CACNA1C: variants seen among roughly 807,000 people sequenced by gnomAD.
CACNA1C encodes the protein voltage-dependent L-type calcium channel subunit alpha-1C.
A neutral mutation model predicts 229.0 loss-of-function variants in CACNA1C; 30 were observed. That is an observed-to-expected ratio of 0.13 (90% CI 0.10 to 0.18). CACNA1C has a LOEUF of 0.18. Among genes scored for constraint, CACNA1C ranks in the 10% least tolerant of loss-of-function variants. The pLI is 1.00. For missense variants in CACNA1C, 1,658 were observed against 2,845.0 expected (o/e 0.58, Z 9.49); for synonymous variants, 1,114 against 1,132.5 (o/e 0.98, Z 0.33).
chr12:2,366,040 T>C (rs2097710892), intron 3 of CACNA1C, among the ~76,000 whole-genome samples: 2 of 152,226 alleles, frequency 1.3e-5, no homozygotes, highest in African/African-American at 4.8e-5. Flanking sequence ...TTTTTAATGT[T>C]CCAAGTGATT....
At chr12:2,682,871 C>CAACACACAA (rs1158532509) in intron 43 of CACNA1C, among the ~76,000 whole-genome samples, 193 bp downstream of exon 43, 2 of 23,916 alleles carry the variant, frequency 8.4e-5, no homozygotes, top group African/African-American at 1.9e-4. Flanking sequence ...CACACAAACA[C>CAACACACAA]ACACACACCA....
intron 3 of CACNA1C, among the ~76,000 whole-genome samples, chr12:2,371,176 G>A (rs1798601109): frequency 6.6e-6 from 1 of 152,216 alleles, no homozygotes; most frequent in Non-Finnish European, 1.5e-5. Flanking sequence ...TTGGGTAGGA[G>A]TGAAAGGGAG....
intron 3 of CACNA1C, among the ~76,000 whole-genome samples, chr12:2,391,453 G>T (rs1250403776): frequency 6.6e-6 from 1 of 152,200 alleles, no homozygotes; most frequent in Admixed American, 6.5e-5. Flanking sequence ...ACCACGAAAG[G>T]CTGTTCAGAA....
intron 3 of CACNA1C, among the ~76,000 whole-genome samples, chr12:2,434,241 A>G (rs1026676110): frequency 6.6e-6 from 1 of 152,154 alleles, no homozygotes; most frequent in African/African-American, 2.4e-5. Context: ...CCCCACATAC[A>G]TCTCCACGGG....
At chr12:1,999,334 G>A (rs893324409) in intron 1 of CACNA1C, among the ~76,000 whole-genome samples, 1 of 152,160 alleles carries the variant, frequency 6.6e-6, no homozygotes, top group Admixed American at 6.5e-5. Flanking sequence ...CTATTATCAA[G>A]AGTAAATGGC....
chr12:2,115,065 C>G lies in CACNA1C; in HGVS notation c.50-159C>G, dbSNP rs149888071. On this transcript the variant is annotated intron_variant, in intron 1 of 46. Transcript: ENST00000399655. ...CGCAACGATCCTGGCCCTCTTCCCT[C>G]AGCATCTCACACTCATGTTTCCACG... 1.7e-4 allele frequency among the ~76,000 whole-genome samples: 26 copies of G among 152,342 alleles called. No individual in the cohort carries two copies. In the East Asian group the frequency reaches 4.6e-3, roughly 27 times the overall value.
At position 2,581,990 on chromosome 12, in the gene CACNA1C, A is replaced by G. The variant is rs570944539; in HGVS notation, c.2103+193A>G. 5.3e-5 allele frequency among the ~76,000 whole-genome samples: 8 copies of G among 151,548 alleles called. No individual in the cohort carries two copies. In the South Asian group the frequency reaches 1.7e-3, roughly 32 times the overall value. ...TCCCCATCTGCCATGGAATTCCACTAGTGGGTGGACCATTAGGGGAAACAA... is the reference window on the plus strand; with the variant it reads ...TCCCCATCTGCCATGGAATTCCACTGGTGGGTGGACCATTAGGGGAAACAA... On this transcript the variant is annotated intron_variant, in intron 14 of 46. Transcript: ENST00000399655.
In CACNA1C at chr12:2,403,812, C is replaced by T. The variant is rs796808211; in HGVS notation, c.478-45164C>T. ...CGGTGCCTTTCCCACCACAAGATGA[C>T]GAAGATGTGGTGTTGACAGACTGCT... is the stretch of plus-strand genomic sequence containing the variant. On this transcript the variant is annotated intron_variant, in intron 3 of 46. Coordinates refer to ENST00000399655, the MANE Select transcript of CACNA1C (RefSeq NM_000719.7). The surrounding 1 kb of genome is among the most constrained non-coding windows in gnomAD (Gnocchi z 4.1). 1.1e-4 allele frequency among the ~76,000 whole-genome samples: 16 copies of T among 152,272 alleles called. No individual in the cohort carries two copies. The highest frequency in any genetic ancestry group is 3.1e-4 in the African/African-American group (13 of 41,550).
At chr12:2,304,904 G>A (rs1056527882) in intron 3 of CACNA1C, among the ~76,000 whole-genome samples, 4 of 152,180 alleles carry the variant, frequency 2.6e-5, no homozygotes, top group African/African-American at 4.8e-5. Context: ...CGCCATGCCC[G>A]GGGGCTTTAT....
At chr12:2,062,055 T>C (rs189566537) in intron 1 of CACNA1C, among the ~76,000 whole-genome samples, 7 of 152,298 alleles carry the variant, frequency 4.6e-5, no homozygotes, top group Admixed American at 1.3e-4. Context: ...AAAAGTATGC[T>C]GGGAAACTTT....
intron 9 of CACNA1C, among the ~76,000 whole-genome samples, chr12:2,548,846 A>T (rs564678662): frequency 6.6e-6 from 1 of 152,220 alleles, no homozygotes; most frequent in East Asian, 1.9e-4. Flanking sequence ...CACTCCCTCA[A>T]CTAACAGCAG....
At chr12:2,466,653 G>A (rs2099552882) in intron 5 of CACNA1C, among the ~76,000 whole-genome samples, 1 of 152,154 alleles carries the variant, frequency 6.6e-6, no homozygotes, top group Non-Finnish European at 1.5e-5. Context: ...GGATGCTGCT[G>A]GTGCAGCTGA....
chr12:2,452,678 C>A (rs1321396429), intron 4 of CACNA1C, among the ~76,000 whole-genome samples: 3 of 152,180 alleles, frequency 2.0e-5, no homozygotes, highest in Admixed American at 2.0e-4. Context: ...ATTTTCTACC[C>A]TTTCAGAATT....
intron 8 of CACNA1C, among the ~76,000 whole-genome samples, chr12:2,508,150 C>T (rs1030530523): frequency 1.3e-5 from 2 of 152,260 alleles, no homozygotes; most frequent in African/African-American, 2.4e-5. Flanking sequence ...CTGAATAGCA[C>T]TGCAGTCTTG....
chr12:2,360,518 C>T (rs2097532533), intron 3 of CACNA1C, among the ~76,000 whole-genome samples: 1 of 152,242 alleles, frequency 6.6e-6, no homozygotes, highest in Non-Finnish European at 1.5e-5. Flanking sequence ...ACTTCACCAG[C>T]AGTCACTGAA....
intron 3 of CACNA1C, among the ~76,000 whole-genome samples, chr12:2,339,920 T>G (rs1255499096): frequency 6.6e-6 from 1 of 152,200 alleles, no homozygotes; most frequent in Non-Finnish European, 1.5e-5. Flanking sequence ...TGTATATCCT[T>G]CCAGTCTTTA....
At chr12:2,218,500 C>T (rs998698000) in intron 3 of CACNA1C, among the ~76,000 whole-genome samples, 5 of 152,056 alleles carry the variant, frequency 3.3e-5, no homozygotes, top group African/African-American at 1.2e-4. Context: ...TCCTGTAGTG[C>T]TTGTACTGGG....
At position 2,677,057 on chromosome 12, in the gene CACNA1C, C is replaced by T; in HGVS notation, c.4829-37C>T. 1 of 1,578,562 alleles carries T rather than the reference C, an allele frequency of 6.3e-7. No individual in the cohort carries two copies. The highest frequency in any genetic ancestry group is 8.7e-7 in the Non-Finnish European group (1 of 1,152,032). ...TGAAGTTCAACTGAATTCCCCTGCTCCCCTCTTACCCCCTCTCCCCTCTCC... is the reference window on the plus strand; with the variant it reads ...TGAAGTTCAACTGAATTCCCCTGCTTCCCTCTTACCCCCTCTCCCCTCTCC... On this transcript the variant is annotated intron_variant, in intron 39 of 46. Transcript: ENST00000399655. The surrounding 1 kb of genome is among the most constrained non-coding windows in gnomAD (Gnocchi z 7.4).
intron 13 of CACNA1C, among the ~76,000 whole-genome samples, chr12:2,574,314 A>G (rs960480978): frequency 1.3e-5 from 2 of 151,712 alleles, no homozygotes; most frequent in Admixed American, 1.3e-4. Context: ...CAGTTTTTCT[A>G]CTCTTTGTCA....
Sources: gnomAD v4.1 joint callset for allele counts (sites outside exome capture counted in the v4.1 genomes callset) on GRCh38, gnomAD v4.1.1 for gene constraint, Gnocchi (gnomAD v3.1) non-coding constraint, MANE v1.5 for transcripts, NCBI Gene and HGNC (gene_info 2026-07-23, HGNC 2026-07-21) for gene names.